Variants in ZNF667 observed in about 807,000 individuals in gnomAD.
The protein encoded by ZNF667 is zinc finger protein 667, also known as myocardial ischemic preconditioning upregulated 1 ortholog.
Under a neutral mutation model 31.8 loss-of-function variants are expected in ZNF667, and 13 were observed. The observed-to-expected ratio is 0.41, with a 90% confidence interval of 0.27 to 0.65. The LOEUF (loss-of-function observed/expected upper bound fraction) is 0.65. ZNF667 is among the 30% of genes least tolerant of loss of function. The probability of loss-of-function intolerance (pLI) is 0.32; values close to 1 mark genes in which losing one functional copy is unlikely to be tolerated. For synonymous variants in ZNF667, 228 were observed against 247.1 expected (o/e 0.92, Z 0.73); for missense variants, 642 against 725.6 (o/e 0.88, Z 1.32).
At position 56,442,182 on chromosome 19, in the gene ZNF667, A is replaced by G. The variant is rs752457837; in HGVS notation, c.813T>C (p.His271=). ...AFNQMSSLLL[H]KKIHNGKKTH... ...TTTTCTTTCCATTGTGAATTTTCTT[A>G]TGAAGTAAAAGGGATGACATCTGAT... The change falls in exon 7 of 7, where the codon CAT becomes CAC. Residue 271 remains histidine, a synonymous_variant. Coordinates refer to ENST00000504904, the MANE Select transcript of ZNF667 (RefSeq NM_001321356.2). 1.2e-6 allele frequency: 2 copies of G among 1,613,630 alleles called. No individual in the cohort carries two copies. Among genetic ancestry groups the G allele is most frequent in the South Asian group, 2.2e-5 (2 of 90,972 alleles).
chr19:56,450,672 GAC>G (rs1208467305), intron 6 of ZNF667, among the ~76,000 whole-genome samples: 3 of 152,100 alleles, frequency 2.0e-5, no homozygotes, highest in Non-Finnish European at 2.9e-5. Context: ...AACAACTCAA[GAC>G]ACACAGTATT....
Position 56,442,697 on chromosome 19 carries a change from A to C in ZNF667, c.298T>G (p.Cys100Gly), listed in dbSNP as rs61740677. ...CETKKLPPNQ[C>G]NKSGQSICQK... is the part of the protein sequence containing the mutation. ...CAGATGCTTTGCCCAGATTTGTTGCATTGATTTGGAGGTAACTTCTTGGTC... is the reference window on the plus strand; with the variant it reads ...CAGATGCTTTGCCCAGATTTGTTGCCTTGATTTGGAGGTAACTTCTTGGTC... The change falls in exon 7 of 7, where the codon TGC becomes GGC. Residue 100 changes from cysteine (C) to glycine (G), a missense_variant. Transcript: ENST00000504904. The C allele has an allele frequency of 3.6e-4, 584 of 1,608,710 alleles. 2 individuals are homozygous for C. In the African/African-American group the frequency reaches 6.1e-3, roughly 17 times the overall value.
intron 6 of ZNF667, among the ~76,000 whole-genome samples, chr19:56,445,993 CTG>C (rs959555906): frequency 2.0e-5 from 3 of 152,184 alleles, no homozygotes; most frequent in Admixed American, 6.5e-5. Context: ...ACCTCCAACA[CTG>C]AGGATTAAAT....
At chr19:56,466,898 C>T (rs112400510) in intron 3 of ZNF667, 7,833 of 419,552 alleles carry the variant, frequency 0.019, 110 homozygotes, top group Middle Eastern at 0.034. Context: ...TTACAGTTTC[C>T]CATTCCTTCT....
At position 56,462,351 on chromosome 19, in the gene ZNF667, T is replaced by A. The variant is rs1351199980; in HGVS notation, c.20A>T (p.Lys7Ile). The A allele has an allele frequency of 1.2e-6, 2 of 1,614,198 alleles. No homozygotes were observed. Among genetic ancestry groups the A allele is most frequent in the Non-Finnish European group, 1.7e-6 (2 of 1,180,032 alleles). MPSARG[K>I]SKSKAPITFG... Reference sequence around the variant, plus strand: ...ATTGCCACTTACCTTGGATTTGGATTTCCCCCGTGCAGAAGGCATCCTTTC... The same window carrying A: ...ATTGCCACTTACCTTGGATTTGGATATCCCCCGTGCAGAAGGCATCCTTTC... Residue 7 changes from lysine (K) to isoleucine (I), a missense_variant, in exon 4 of 7, where the codon AAA (lysine) becomes ATA (isoleucine). Physicochemically the swap from Lys to Ile is moderately radical, Grantham distance 102. Transcript: ENST00000504904.
intron 6 of ZNF667, among the ~76,000 whole-genome samples, chr19:56,446,895 TTTCCTTTGTACC>T (rs1398086270): frequency 3.3e-5 from 5 of 152,134 alleles, no homozygotes; most frequent in African/African-American, 9.7e-5. Flanking sequence ...TTCCCTTCCT[TTTCCTTTGTACC>T]TTCCTTTGTT....
chr19:56,440,620 C>T lies in ZNF667; in HGVS notation c.*542G>A, dbSNP rs1382712300. On this transcript the variant is annotated 3_prime_UTR_variant, in exon 7 of 7. Transcript: ENST00000504904. Reference sequence around the variant, plus strand: ...CCAATAAATTATCTTTAAAACTATGCTGGAAGTAAAATATCGGTAATTTTT... The same window carrying T: ...CCAATAAATTATCTTTAAAACTATGTTGGAAGTAAAATATCGGTAATTTTT... 3.1e-6 allele frequency: 3 copies of T among 975,050 alleles called. No homozygotes were observed. In the Admixed American group the frequency reaches 1.9e-4, roughly 62 times the overall value. The allele number at this position is 975,050 out of a possible 1,614,324, so 60.4% of individuals were successfully genotyped here.
At chr19:56,471,361 C>T (rs1247680280) in intron 3 of ZNF667, among the ~76,000 whole-genome samples, 1 of 152,196 alleles carries the variant, frequency 6.6e-6, no homozygotes, top group Non-Finnish European at 1.5e-5. Flanking sequence ...CAGACTAATA[C>T]ACACTCCCAC....
In ZNF667 at chr19:56,442,431, T is replaced by C; in HGVS notation, c.564A>G (p.Leu188=). 3.1e-6 allele frequency: 5 copies of C among 1,614,136 alleles called. No homozygotes were observed. The highest frequency in any genetic ancestry group is 1.1e-5 in the South Asian group (1 of 91,080). The change falls in exon 7 of 7, where the codon CTA becomes CTG. Residue 188 remains leucine, a synonymous_variant. Transcript: ENST00000504904. ...RKAFRQISSI[L]LHQRIHSGKK... is the part of the protein sequence containing the mutation. Reference sequence around the variant, plus strand: ...TTCCACTGTGAATTCTCTGATGAAGTAGGATGGATGAGATCTGTCTGAAAG... The same window carrying C: ...TTCCACTGTGAATTCTCTGATGAAGCAGGATGGATGAGATCTGTCTGAAAG...
chr19:56,449,371 A>G, intron 6 of ZNF667: 1 of 319,892 alleles, frequency 3.1e-6, no homozygotes, highest in Non-Finnish European at 6.2e-6. Flanking sequence ...CCGTTCAGTC[A>G]GAGAATTCAA....
upstream of ZNF667, chr19:56,477,982 C>T (rs2043454633): frequency 6.6e-6 from 1 of 152,418 alleles, no homozygotes; most frequent in African/African-American, 2.4e-5. Context: ...GATGAACTGA[C>T]CCGGGAGAGC....
chr19:56,453,477 T>G (rs906969083), intron 6 of ZNF667, among the ~76,000 whole-genome samples: 1 of 152,170 alleles, frequency 6.6e-6, no homozygotes, highest in Non-Finnish European at 1.5e-5. Flanking sequence ...ATTCAACACA[T>G]TAAACAGATC....
intron 1 of ZNF667, among the ~76,000 whole-genome samples, chr19:56,476,299 C>T (rs1332099724): frequency 6.6e-6 from 1 of 152,172 alleles, no homozygotes; most frequent in African/African-American, 2.4e-5. Context: ...CTCAAATGTA[C>T]ACATGCAGAA....
intron 3 of ZNF667, among the ~76,000 whole-genome samples, chr19:56,470,684 A>G (rs887160123): frequency 5.3e-5 from 8 of 152,120 alleles, no homozygotes; most frequent in Admixed American, 2.0e-4. Context: ...GTCATAGTAG[A>G]GTGGCCACAG....
At chr19:56,450,529 A>G (rs2042799248) in intron 6 of ZNF667, among the ~76,000 whole-genome samples, 1 of 152,228 alleles carries the variant, frequency 6.6e-6, no homozygotes, top group Non-Finnish European at 1.5e-5. Flanking sequence ...TCATCTGAAC[A>G]TACAACACTC....
At chr19:56,475,702 T>C (rs573800061) in intron 1 of ZNF667, 14 of 152,262 alleles carry the variant, frequency 9.2e-5, no homozygotes, top group African/African-American at 2.6e-4. Flanking sequence ...GACAGAAACA[T>C]TTCCAGACCC....
At chr19:56,458,274 G>A (rs376833967) in intron 5 of ZNF667, 27 bp from the exon 6 acceptor site, 62 of 1,603,400 alleles carry the variant, frequency 3.9e-5, no homozygotes, top group Middle Eastern at 1.7e-4. Flanking sequence ...CATGGGAAAT[G>A]ATCATAAATG....
intron 3 of ZNF667, among the ~76,000 whole-genome samples, chr19:56,469,493 G>GT (rs1568454601): frequency 6.6e-6 from 1 of 152,140 alleles, no homozygotes; most frequent in African/African-American, 2.4e-5. Flanking sequence ...GGAGGGAGTT[G>GT]TAAGAATGAA....
chr19:56,441,676 T>G lies in ZNF667; in HGVS notation c.1319A>C (p.Glu440Ala). 1 of 1,614,206 alleles carries G rather than the reference T, an allele frequency of 6.2e-7. No individual in the cohort carries two copies. Among genetic ancestry groups the G allele is most frequent in the Non-Finnish European group, 8.5e-7 (1 of 1,180,040 alleles). Residue 440 changes from glutamate (E) to alanine (A), a missense_variant, in exon 7 of 7, where the codon GAG (glutamate) becomes GCG (alanine). By Grantham distance (107) the Glu-to-Ala change is moderately radical. Transcript: ENST00000504904. This position sits in a 1 kb window ranked among gnomAD's most constrained non-coding sequence, Gnocchi z 4.2. ...ACATTTATTGCATTTGAAAGGTTTC[T>G]CTTCAGAATGAATATTCTGATGTAT... ...LKIHQNIHSE[E>A]KPFKCNKCSK...
Sources: gnomAD v4.1 joint callset for allele counts (sites outside exome capture counted in the v4.1 genomes callset) on GRCh38, gnomAD v4.1.1 for gene constraint, Gnocchi (gnomAD v3.1) non-coding constraint, MANE v1.5 for transcripts, NCBI Gene and HGNC (gene_info 2026-07-23, HGNC 2026-07-21) for gene names.